Variants in SPTB observed in about 807,000 individuals in gnomAD.
SPTB encodes the protein spectrin beta, erythrocytic, also known as spectrin beta chain, erythrocytic.
A neutral mutation model predicts 256.2 loss-of-function variants in SPTB; 45 were observed. That is an observed-to-expected ratio of 0.18 (90% confidence interval 0.14 to 0.23). The LOEUF (loss-of-function observed/expected upper bound fraction) is 0.23. Among genes scored for constraint, SPTB ranks in the 10% least tolerant of loss-of-function variants. The probability of loss-of-function intolerance (pLI) is 1.00; values close to 1 mark genes in which losing one functional copy is unlikely to be tolerated. For missense variants in SPTB, 2,715 were observed against 3,040.4 expected (o/e 0.89, Z 2.52); for synonymous variants, 1,231 against 1,243.1 (o/e 0.99, Z 0.21).
intron 1 of SPTB, among the ~76,000 whole-genome samples, chr14:64,876,170 C>T (rs948129477): frequency 1.3e-5 from 2 of 152,150 alleles, no homozygotes; most frequent in Non-Finnish European, 2.9e-5. Flanking sequence ...GAGACACAAT[C>T]TCACTTTATT....
intron 32 of SPTB, among the ~76,000 whole-genome samples, chr14:64,765,866 T>C (rs2082166079): frequency 1.4e-5 from 2 of 147,090 alleles, no homozygotes; most frequent in African/African-American, 5.1e-5. Context: ...TGTATGTGTG[T>C]GTGTGTGTGG....
intron 1 of SPTB, among the ~76,000 whole-genome samples, chr14:64,839,711 A>C (rs1270727798): frequency 6.6e-6 from 1 of 152,204 alleles, no homozygotes; most frequent in Non-Finnish European, 1.5e-5. Context: ...GAATTATTAT[A>C]ATTTATTTTT....
chr14:64,866,958 T>C lies in SPTB; in HGVS notation c.-52+12834A>G, dbSNP rs1882220101. Reference sequence around the variant, plus strand: ...TCTGAAACGCCCACTCAAAGAGCCTTTCATAGCTGCATTCTGAGGGTCAGC... The same window carrying C: ...TCTGAAACGCCCACTCAAAGAGCCTCTCATAGCTGCATTCTGAGGGTCAGC... On this transcript the variant is annotated intron_variant, in intron 1 of 35. Coordinates refer to ENST00000644917, the MANE Select transcript of SPTB (RefSeq NM_001355436.2). This position sits in a 1 kb window ranked among gnomAD's most constrained non-coding sequence, Gnocchi z 4.6. 1.3e-5 allele frequency among the ~76,000 whole-genome samples: 2 copies of C among 152,168 alleles called. No homozygotes were observed. Among genetic ancestry groups the C allele is most frequent in the African/African-American group, 4.8e-5 (2 of 41,424 alleles).
chr14:64,772,660 C>T lies in SPTB; in HGVS notation c.5473G>A (p.Gly1825Arg). Residue 1825 changes from glycine (G) to arginine (R), a missense_variant, in exon 26 of 36, where the codon GGG becomes AGG. Physicochemically the swap from Gly to Arg is moderately radical, Grantham distance 125. This residue lies in a region of SPTB where 2,239 missense variants were observed against 2,384.4 expected (regional missense o/e 0.94). Transcript: ENST00000644917. This position sits in a 1 kb window ranked among gnomAD's most constrained non-coding sequence, Gnocchi z 5.4. Reference protein sequence around the residue: ...EKHRELPEDVGLDASTAESFH... With the variant: ...EKHRELPEDVRLDASTAESFH... ...GACTCGGCCGTGCTGGCGTCCAGCC[C>T]CACGTCCTCGGGCAGCTCGCGGTGC... is the stretch of plus-strand genomic sequence containing the variant. 1 of 1,613,456 alleles carries T rather than the reference C, an allele frequency of 6.2e-7. No individual in the cohort carries two copies.
Position 64,844,773 on chromosome 14 carries a change from T to TA in SPTB, c.-51-21629dup, listed in dbSNP as rs957734737. ...CCCCAACTCCCTATCCCATTTCTAC[T>TA]AAAAATAGCCCAACATTTCCAAAAT... On this transcript the variant is annotated intron_variant, in intron 1 of 35. Coordinates refer to ENST00000644917, the MANE Select transcript of SPTB (RefSeq NM_001355436.2). This position sits in a 1 kb window ranked among gnomAD's most constrained non-coding sequence, Gnocchi z 4.1. 1.3e-5 allele frequency among the ~76,000 whole-genome samples: 2 copies of TA among 152,212 alleles called. No individual in the cohort carries two copies. The highest frequency in any genetic ancestry group is 1.3e-4 in the Admixed American group (2 of 15,270).
intron 1 of SPTB, among the ~76,000 whole-genome samples, chr14:64,838,969 C>A (rs1234713638): frequency 6.6e-6 from 1 of 152,022 alleles, no homozygotes; most frequent in Non-Finnish European, 1.5e-5. Context: ...CCCATCTCTA[C>A]CAAAAATACA....
At chr14:64,783,120 G>A (rs1332996234) in intron 19 of SPTB, among the ~76,000 whole-genome samples, 1 of 152,174 alleles carries the variant, frequency 6.6e-6, no homozygotes, top group Non-Finnish European at 1.5e-5. Context: ...TGCCTTACCT[G>A]GTTTTCATCT....
intron 15 of SPTB, among the ~76,000 whole-genome samples, chr14:64,788,253 C>T (rs1594777037): frequency 6.6e-6 from 1 of 152,172 alleles, no homozygotes. Context: ...ACTGGAGTGA[C>T]CAATTAAAGG....
chr14:64,773,261 C>A lies in SPTB; in HGVS notation c.5137G>T (p.Ala1713Ser). Residue 1713 changes from alanine to serine, a missense_variant, in exon 25 of 36, where the codon GCC becomes TCC. Around this residue, in one of 4 missense-constraint regions of SPTB, gnomAD observed 2,239 missense variants for 2,384.4 expected, o/e 0.94. Transcript: ENST00000644917. ...TCTTGCCCCATTTCCGGGGAAGAGG[C>A]CACTAGCTCCTTTTCTGAAATCCAC... ...EQWISEKELV[A>S]SSPEMGQDFD... The A allele has an allele frequency of 1.9e-6, 3 of 1,614,192 alleles. No individual in the cohort carries two copies. The highest frequency in any genetic ancestry group is 1.3e-5 in the African/African-American group (1 of 75,052).
rs1594796006 is a variant in SPTB at position 64,804,860 on chromosome 14, C to G, written c.300+79G>C. 4 of 1,591,718 alleles carry G rather than the reference C, an allele frequency of 2.5e-6. No homozygotes were observed. In the East Asian group the frequency reaches 8.9e-5, roughly 36 times the overall value. ...GAGAAAACTGGGAAGGCCAGGAGAA[C>G]TTGAGATGCCCCCAAACCATGCCTT... On this transcript the variant is annotated intron_variant, in intron 3 of 35. Coordinates refer to ENST00000644917, the MANE Select transcript of SPTB (RefSeq NM_001355436.2).
In SPTB at chr14:64,777,865, G is replaced by C. The variant is rs1047016900; in HGVS notation, c.4563+1292C>G. ...GGCTGCCTTTCCCTTCTTGGTTAGGGGAACCCCATCCGTATTTGTCTTGCC... is the reference window on the plus strand; with the variant it reads ...GGCTGCCTTTCCCTTCTTGGTTAGGCGAACCCCATCCGTATTTGTCTTGCC... On this transcript the variant is annotated intron_variant, in intron 22 of 35. Transcript: ENST00000644917. The surrounding 1 kb of genome is among the most constrained non-coding windows in gnomAD (Gnocchi z 4.5). Among the ~76,000 whole-genome samples the C allele has an allele frequency of 5.9e-5, 9 of 152,144 alleles. No individual in the cohort carries two copies. Among genetic ancestry groups the C allele is most frequent in the Non-Finnish European group, 5.9e-5 (4 of 68,030 alleles).
chr14:64,798,220 G>A (rs1029459560), intron 9 of SPTB, among the ~76,000 whole-genome samples: 4 of 152,156 alleles, frequency 2.6e-5, no homozygotes, highest in African/African-American at 9.7e-5. Context: ...CAAGTGATGA[G>A]GGCTTCTTAC....
At chr14:64,783,955 A>G (rs2082516707) in intron 19 of SPTB, among the ~76,000 whole-genome samples, 1 of 152,226 alleles carries the variant, frequency 6.6e-6, no homozygotes, top group Non-Finnish European at 1.5e-5. Flanking sequence ...GAAAGCAAAC[A>G]TTAATAACTG....
At chr14:64,868,489 T>C (rs930531223) in intron 1 of SPTB, among the ~76,000 whole-genome samples, 2 of 151,718 alleles carry the variant, frequency 1.3e-5, no homozygotes. Context: ...CAGAAGCAAA[T>C]AAGGACAGCA....
At chr14:64,871,680 G>A (rs1882540733) in intron 1 of SPTB, among the ~76,000 whole-genome samples, 1 of 152,186 alleles carries the variant, frequency 6.6e-6, no homozygotes, top group South Asian at 2.1e-4. Context: ...CACATGAATG[G>A]AATTCTTCTC....
Position 64,801,687 on chromosome 14 carries a change from C to T in SPTB, c.647+67G>A, listed in dbSNP as rs983186925. On this transcript the variant is annotated intron_variant, in intron 6 of 35. Coordinates refer to ENST00000644917, the MANE Select transcript of SPTB (RefSeq NM_001355436.2). ...CATTTCTGTGACTCCATGTTAAGTG[C>T]AATGTGTCCAAATATTCCCAGGGAG... 7 of 1,466,874 alleles carry T rather than the reference C, an allele frequency of 4.8e-6. No homozygotes were observed. The South Asian group carries it at 7.9e-5, about 17-fold the overall frequency. The allele number at this position is 1,466,874 out of a possible 1,614,324, so 90.9% of individuals were successfully genotyped here.
intron 32 of SPTB, chr14:64,754,037 G>A: frequency 1.6e-6 from 1 of 614,852 alleles, no homozygotes. Flanking sequence ...GAGCTGCAGG[G>A]TGGCCCCCTC....
rs140814704 is a variant in SPTB at position 64,781,609 on chromosome 14, C to T, written c.4266+681G>A. On this transcript the variant is annotated intron_variant, in intron 20 of 35. Transcript: ENST00000644917. ...CAGAGAAAAGGGAACCCTTATACACCGTTGGTGGGAGTGTAAATTAGTTCA... is the reference window on the plus strand; with the variant it reads ...CAGAGAAAAGGGAACCCTTATACACTGTTGGTGGGAGTGTAAATTAGTTCA... 2.4e-3 allele frequency among the ~76,000 whole-genome samples: 363 copies of T among 152,264 alleles called. 2 individuals are homozygous for T. The highest frequency in any genetic ancestry group is 8.3e-3 in the African/African-American group (343 of 41,552).
chr14:64,823,186 C>T lies in SPTB; in HGVS notation c.-51-41G>A, dbSNP rs372804181. The T allele has an allele frequency of 1.3e-4, 196 of 1,517,314 alleles. 2 individuals carry two copies. The Middle Eastern group carries it at 7.0e-3, about 55-fold the overall frequency. 94.0% of individuals were successfully genotyped at this position (1,517,314 alleles called of 1,614,324 possible). On this transcript the variant is annotated intron_variant, in intron 1 of 35. Transcript: ENST00000644917. This position sits in a 1 kb window ranked among gnomAD's most constrained non-coding sequence, Gnocchi z 6.5. The stretch of plus-strand genomic sequence containing the variant: ...ACAGTCAGAGGGTTATCTCTCTACC[C>T]CCTCGGACTTTTTCTCCGGGGAAAC...
Sources: allele counts gnomAD v4.1 joint callset (sites outside exome capture counted in the v4.1 genomes callset), GRCh38; gene constraint gnomAD v4.1.1; regional missense constraint gnomAD v4.1.1; non-coding constraint Gnocchi (gnomAD v3.1); transcripts MANE v1.5; gene names NCBI Gene and HGNC (gene_info 2026-07-23, HGNC 2026-07-21).